MTAP: variants seen among roughly 807,000 people sequenced by gnomAD.
The protein encoded by MTAP is S-methyl-5'-thioadenosine phosphorylase.
In MTAP, 33 loss-of-function variants were observed where a neutral mutation model predicts 33.6. That is an observed-to-expected ratio of 0.98 (90% confidence interval 0.74 to 1.31). The LOEUF (loss-of-function observed/expected upper bound fraction) is 1.31, where lower values mean the gene tolerates loss of function less well. Ranked by LOEUF, MTAP falls within the 40% of genes most tolerant of loss-of-function variation. The pLI, the probability that MTAP is intolerant of heterozygous loss-of-function variation, is 0.00. For synonymous variants in MTAP, 148 were observed against 125.7 expected (o/e 1.18, Z -1.19); for missense variants, 367 against 360.0 (o/e 1.02, Z -0.16).
At chr9:21,920,672 G>T (rs1222907691) in intron 1 of MTAP, among the ~76,000 whole-genome samples, 2 of 152,148 alleles carry the variant, frequency 1.3e-5, no homozygotes, top group African/African-American at 4.8e-5. Context: ...AAACAATATG[G>T]TCAAACTTGA....
rs1825839311 is a variant in MTAP at position 21,865,497 on chromosome 9, T to C, written c.*3483T>C. The C allele has an allele frequency of 1.0e-6, 1 of 985,460 alleles. No individual in the cohort carries two copies. Among genetic ancestry groups the C allele is most frequent in the South Asian group, 4.7e-5 (1 of 21,294 alleles). The allele number at this position is 985,460 out of a possible 1,614,324, so 61.0% of individuals were successfully genotyped here. A position where few individuals can be genotyped will look rare whatever the true frequency, so the allele number is the denominator to read the frequency against. ...CTTGGAACTACCAGTGTGCACACAA[T>C]CTGGCTCAATGTATATATTGGCCCA... is the stretch of plus-strand genomic sequence containing the variant. On this transcript the variant is annotated 3_prime_UTR_variant, in exon 8 of 8. Transcript: ENST00000644715.
chr9:21,870,669 A>G (rs1356311211), downstream of MTAP, among the ~76,000 whole-genome samples: 1 of 151,878 alleles, frequency 6.6e-6, no homozygotes, highest in African/African-American at 2.4e-5. Context: ...AATGTTATGG[A>G]GATGTAACAT....
chr9:21,862,125 CCT>C lies in MTAP; in HGVS notation c.*112_*113del. The C allele has an allele frequency of 6.3e-7, 1 of 1,584,126 alleles. No individual in the cohort carries two copies. Among genetic ancestry groups the C allele is most frequent in the Non-Finnish European group, 8.6e-7 (1 of 1,166,648 alleles). On this transcript the variant is annotated 3_prime_UTR_variant, in exon 8 of 8. Coordinates refer to ENST00000644715, the MANE Select transcript of MTAP (RefSeq NM_002451.4). ...AAGACATGCAGCTTTCATGCCCTTGCCTATCAAAGAGTATGTTGTAAGAAAGA... is the reference window on the plus strand; with the variant it reads ...AAGACATGCAGCTTTCATGCCCTTGCATCAAAGAGTATGTTGTAAGAAAGA...
In MTAP at chr9:21,863,286, ACT is replaced by A. The variant is rs1825789328; in HGVS notation, c.*1275_*1276del. The A allele has an allele frequency of 5.1e-6, 5 of 984,212 alleles. No individual in the cohort carries two copies. The highest frequency in any genetic ancestry group is 4.7e-5 in the South Asian group (1 of 21,248). The allele number at this position is 984,212 out of a possible 1,614,324, so 61.0% of individuals were successfully genotyped here. A position where few individuals can be genotyped will look rare whatever the true frequency, so the allele number is the denominator to read the frequency against. ...AATAAAGTGGAAGCTTGCTTTTTTA[ACT>A]CTTTTTTTATTGTTATTTTATAGAA... On this transcript the variant is annotated 3_prime_UTR_variant, in exon 8 of 8. Coordinates refer to ENST00000644715, the MANE Select transcript of MTAP (RefSeq NM_002451.4).
intron 1 of MTAP, among the ~76,000 whole-genome samples, chr9:21,921,973 G>A (rs2131034053): frequency 6.6e-6 from 1 of 152,224 alleles, no homozygotes; most frequent in East Asian, 1.9e-4. Flanking sequence ...ACCATTAGGT[G>A]ATGGTCAGGT....
chr9:21,864,708 G>T lies in MTAP; in HGVS notation c.*2694G>T. The stretch of plus-strand genomic sequence containing the variant: ...TTTCAAGGAAGGAAACTCTGGTACG[G>T]TGGCACCCTCAGGAGTGGAGGACAG... On this transcript the variant is annotated 3_prime_UTR_variant, in exon 8 of 8. Transcript: ENST00000644715. The T allele has an allele frequency of 1.0e-6, 1 of 985,440 alleles. No homozygotes were observed. Among genetic ancestry groups the T allele is most frequent in the Non-Finnish European group, 1.2e-6 (1 of 829,996 alleles). 61.0% of individuals were successfully genotyped at this position (985,440 alleles called of 1,614,324 possible). A position where few individuals can be genotyped will look rare whatever the true frequency, so the allele number is the denominator to read the frequency against.
At chr9:21,817,414 C>G (rs1357532276) in intron 3 of MTAP, among the ~76,000 whole-genome samples, 1 of 151,948 alleles carries the variant, frequency 6.6e-6, no homozygotes, top group Non-Finnish European at 1.5e-5. Flanking sequence ...CCCCACAAGG[C>G]ATATTCAAGG....
At position 21,937,558 on chromosome 9, in the gene MTAP, T is replaced by C. The variant is rs552521198; in HGVS notation, c.*6359T>C. 2.6e-5 allele frequency: 4 copies of C among 152,344 alleles called. No homozygotes were observed. In the East Asian group the frequency reaches 7.7e-4, roughly 29 times the overall value. The allele number at this position is 152,344 out of a possible 1,614,324, so 9.4% of individuals were successfully genotyped here. A position where few individuals can be genotyped will look rare whatever the true frequency, so the allele number is the denominator to read the frequency against. On this transcript the variant is annotated 3_prime_UTR_variant, in exon 8 of 8. Transcript: ENST00000580900. ...TGCTTCGTGTTGCCTTTTTTTGGTC[T>C]TTAATTACTTAAGAAAATTGAATCT...
chr9:21,886,795 G>A (rs1234398232), intron 1 of MTAP, among the ~76,000 whole-genome samples: 1 of 152,148 alleles, frequency 6.6e-6, no homozygotes, highest in Non-Finnish European at 1.5e-5. Flanking sequence ...GTTGGCGTAT[G>A]TGTGCCTGTT....
At chr9:21,824,694 C>T (rs966031221) in intron 4 of MTAP, among the ~76,000 whole-genome samples, 5 of 152,208 alleles carry the variant, frequency 3.3e-5, no homozygotes, top group South Asian at 2.1e-4. Context: ...GCCCTGCCCC[C>T]AGAGTTGGAG....
chr9:21,911,877 C>A (rs1027264092), intron 1 of MTAP, among the ~76,000 whole-genome samples: 2 of 151,870 alleles, frequency 1.3e-5, no homozygotes, highest in East Asian at 1.9e-4. Context: ...AATTGATGGA[C>A]CACTAGCAAG....
rs1196314693 is a variant in MTAP, at chr9:21,818,070, TCAA to T, written c.217_219del (p.Asn73del). 2 of 1,613,370 alleles carry T rather than the reference TCAA, an allele frequency of 1.2e-6. No homozygotes were observed. The highest frequency in any genetic ancestry group is 1.7e-6 in the Non-Finnish European group (2 of 1,179,778). ...CAGCACACCATCATGCCTTCAAAGG[TCAA>T]CTACCAGGCGAACATCTGGGCTTTG... is the stretch of plus-strand genomic sequence containing the variant. On this transcript the variant is annotated inframe_deletion, in exon 4 of 8. Coordinates refer to ENST00000644715, the MANE Select transcript of MTAP (RefSeq NM_002451.4).
intron 1 of MTAP, among the ~76,000 whole-genome samples, chr9:21,874,017 T>G (rs545629407): frequency 6.6e-6 from 1 of 152,294 alleles, no homozygotes; most frequent in Non-Finnish European, 1.5e-5. Context: ...TCTTAAAAAC[T>G]CCACACATCG....
At chr9:21,802,907 A>C in intron 1 of MTAP, 126 bp downstream of exon 1, 2 of 1,445,778 alleles carry the variant, frequency 1.4e-6, no homozygotes, top group Non-Finnish European at 1.8e-6. Flanking sequence ...GCGGGGAGGG[A>C]CTGGGGCGCG....
chr9:21,935,502 T>G (rs189765218), downstream of MTAP: 1 of 152,064 alleles, frequency 6.6e-6, no homozygotes. Flanking sequence ...TAACCATAAA[T>G]TCCAGGAGCA....
chr9:21,848,507 G>T (rs926098755), intron 5 of MTAP, among the ~76,000 whole-genome samples: 3 of 152,110 alleles, frequency 2.0e-5, no homozygotes, highest in African/African-American at 7.2e-5. Context: ...TTACTTGCTT[G>T]GTTTGCTGAA....
At chr9:21,921,034 GC>G (rs1818779226) in intron 1 of MTAP, among the ~76,000 whole-genome samples, 1 of 152,064 alleles carries the variant, frequency 6.6e-6, no homozygotes, top group Non-Finnish European at 1.5e-5. Flanking sequence ...CAGGTCCTAG[GC>G]TTTTCTTTAA....
intron 1 of MTAP, chr9:21,811,559 A>T (rs1824349523): frequency 5.4e-6 from 2 of 367,056 alleles, no homozygotes; most frequent in Admixed American, 3.3e-5. Context: ...CATAGAACAG[A>T]TTGTGCGTGA....
downstream of MTAP, among the ~76,000 whole-genome samples, chr9:21,867,531 C>T (rs186454334): frequency 2.0e-5 from 3 of 152,068 alleles, no homozygotes; most frequent in East Asian, 1.9e-4. Flanking sequence ...TATGTTATCC[C>T]CTTTATATAA....
Sources: allele counts gnomAD v4.1 joint callset (sites outside exome capture counted in the v4.1 genomes callset), GRCh38; gene constraint gnomAD v4.1.1; transcripts MANE v1.5; gene names NCBI Gene and HGNC (gene_info 2026-07-23, HGNC 2026-07-21).